CD180: variants seen among roughly 807,000 people sequenced by gnomAD.
CD180 encodes CD180 molecule.
Under a neutral mutation model 10.7 loss-of-function variants are expected in CD180, and 11 were observed. That is an observed-to-expected ratio of 1.03 (90% CI 0.65 to 1.70). The LOEUF is 1.70. Ranked by LOEUF, CD180 falls within the 40% of genes most tolerant of loss-of-function variation. The probability of loss-of-function intolerance (pLI) is 0.00; values close to 1 mark genes in which losing one functional copy is unlikely to be tolerated. For synonymous variants in CD180, 286 were observed against 294.6 expected, an observed-to-expected ratio of 0.97 and a Z score of 0.30; for missense variants, 729 against 775.2, an observed-to-expected ratio of 0.94 and a Z score of 0.71.
chr5:67,193,523 G>A (rs1742346871), intron 1 of CD180, among the ~76,000 whole-genome samples: 1 of 152,130 alleles, frequency 6.6e-6, no homozygotes, highest in Non-Finnish European at 1.5e-5. Context: ...TTCGAATCTT[G>A]TTCTTGAGAA....
At chr5:67,194,236 C>A (rs1461955197) in intron 1 of CD180, among the ~76,000 whole-genome samples, 4 of 152,120 alleles carry the variant, frequency 2.6e-5, no homozygotes, top group Non-Finnish European at 5.9e-5. Context: ...GAAAGGTCAC[C>A]CGTTAGGATT....
chr5:67,193,322 G>A (rs1224777354), intron 1 of CD180, among the ~76,000 whole-genome samples: 4 of 152,184 alleles, frequency 2.6e-5, no homozygotes, highest in Non-Finnish European at 4.4e-5. Context: ...AAAGTTCGGG[G>A]TAATTTACCC....
Position 67,183,159 on chromosome 5 carries a change from G to A in CD180, c.1684C>T (p.Leu562Phe). 6.2e-7 allele frequency: 1 copy of A among 1,611,128 alleles called. No homozygotes were observed. The highest frequency in any genetic ancestry group is 8.5e-7 in the Non-Finnish European group (1 of 1,177,850). The change falls in exon 3 of 3, where the codon CTC becomes TTC. Residue 562 changes from leucine to phenylalanine, a missense_variant. Leu to Phe is a conservative substitution (Grantham distance 22). Coordinates refer to ENST00000256447, the MANE Select transcript of CD180 (RefSeq NM_005582.3). ...ANSINIISPR[L>F]LPILSQQSTI... ...CTCTGCTGGGACAAGATAGGGAGGA[G>A]ACGGGGTGAGATGATGTTAATGCTG...
chr5:67,185,826 G>A (rs750674389), intron 2 of CD180, 25 bp downstream of exon 2: 50 of 1,517,994 alleles, frequency 3.3e-5, no homozygotes, highest in Non-Finnish European at 4.3e-5. Context: ...AAATAAAAGA[G>A]CACACAAATA....
chr5:67,181,637 A>G lies in CD180; in HGVS notation c.*1220T>C, dbSNP rs1742049431. The G allele has an allele frequency of 6.6e-6, 1 of 152,236 alleles. No homozygotes were observed. The highest frequency in any genetic ancestry group is 1.5e-5 in the Non-Finnish European group (1 of 68,062). 9.4% of individuals were successfully genotyped at this position (152,236 alleles called of 1,614,324 possible). On this transcript the variant is annotated 3_prime_UTR_variant, in exon 3 of 3. Transcript: ENST00000256447. ...TCTCTACCCTAAAATTGGTTATTGA[A>G]CAGAACAATGCACCACTTGAGTCCA...
In CD180 at chr5:67,184,588, T is replaced by C. The variant is rs746458928; in HGVS notation, c.258-3A>G. The C allele has an allele frequency of 3.2e-6, 5 of 1,576,484 alleles. No individual in the cohort carries two copies. The South Asian group carries it at 4.6e-5, about 15-fold the overall frequency. On this transcript the variant is annotated splice_region_variant and splice_polypyrimidine_tract_variant and intron_variant, in intron 2 of 2. Transcript: ENST00000256447. ...CATGTATCCAGTTAATCTGGCACCT[T>C]GAAAAGATAATCGTATTTAACAATA... is the stretch of plus-strand genomic sequence containing the variant.
chr5:67,192,587 A>AG (rs1166231832), intron 1 of CD180, among the ~76,000 whole-genome samples: 1 of 152,054 alleles, frequency 6.6e-6, no homozygotes, highest in Admixed American at 6.6e-5. Flanking sequence ...TGGTGAAAGC[A>AG]GGAGAGAGAG....
intron 1 of CD180, among the ~76,000 whole-genome samples, chr5:67,187,438 T>C (rs910829260): frequency 2.6e-5 from 4 of 152,240 alleles, no homozygotes; most frequent in Non-Finnish European, 5.9e-5. Context: ...GACAGTAGGC[T>C]TTTGGGCAGA....
chr5:67,186,223 A>G (rs368633897), intron 1 of CD180: 5 of 366,008 alleles, frequency 1.4e-5, no homozygotes, highest in East Asian at 4.4e-5. Flanking sequence ...TAACCAGACT[A>G]TTCATCAATA....
In CD180 at chr5:67,184,484, G is replaced by A. The variant is rs1371307998; in HGVS notation, c.359C>T (p.Ser120Leu). ...CTTCAGTGACTTGGGCCCATTAAGC[G>A]ATGTTTCTGCCATGAATATCAGGGG... The part of the protein sequence containing the change: ...GNPLIFMAET[S>L]LNGPKSLKHL... Residue 120 changes from serine (S) to leucine (L), a missense_variant, in exon 3 of 3, where the codon TCG (serine) becomes TTG (leucine). Ser to Leu is a moderately radical substitution (Grantham distance 145). Coordinates refer to ENST00000256447, the MANE Select transcript of CD180 (RefSeq NM_005582.3). 10 of 1,614,096 alleles carry A rather than the reference G, an allele frequency of 6.2e-6. No individual in the cohort carries two copies. The highest frequency in any genetic ancestry group is 1.7e-5 in the Admixed American group (1 of 60,016).
chr5:67,181,729 C>T lies in CD180; in HGVS notation c.*1128G>A, dbSNP rs547347760. 37 of 152,312 alleles carry T rather than the reference C, an allele frequency of 2.4e-4. No individual in the cohort carries two copies. The highest frequency in any genetic ancestry group is 8.9e-4 in the African/African-American group (37 of 41,560). The allele number at this position is 152,312 out of a possible 1,614,324, so 9.4% of individuals were successfully genotyped here. A position where few individuals can be genotyped will look rare whatever the true frequency, so the allele number is the denominator to read the frequency against. On this transcript the variant is annotated 3_prime_UTR_variant, in exon 3 of 3. Coordinates refer to ENST00000256447, the MANE Select transcript of CD180 (RefSeq NM_005582.3). ...GATACAGGCCTGTGTGAGTATGGCCCTTTAAGCCTAAGTCATGACATTGCT... is the reference window on the plus strand; with the variant it reads ...GATACAGGCCTGTGTGAGTATGGCCTTTTAAGCCTAAGTCATGACATTGCT...
chr5:67,184,070 A>T lies in CD180; in HGVS notation c.773T>A (p.Ile258Asn), dbSNP rs144473068. The T allele has an allele frequency of 2.0e-5, 32 of 1,614,194 alleles. No homozygotes were observed. The African/African-American group carries it at 4.1e-4, about 21-fold the overall frequency. The change falls in exon 3 of 3, where the codon ATT becomes AAT. Residue 258 changes from isoleucine to asparagine, a missense_variant. Ile to Asn is a moderately radical substitution (Grantham distance 149). Transcript: ENST00000256447. ...QSLWLGTFEDIDDEDISSAML... is the reference protein window; with the variant it reads ...QSLWLGTFEDNDDEDISSAML... ...GGCTGAACTAATATCTTCGTCATCA[A>T]TGTCCTCAAATGTTCCCAGCCAGAG...
intron 2 of CD180, 83 bp downstream of exon 2, chr5:67,185,768 A>G (rs1384635869): frequency 9.3e-7 from 1 of 1,076,726 alleles, no homozygotes; most frequent in Non-Finnish European, 1.3e-6. Flanking sequence ...GGCCCCCCAA[A>G]AAGGTCCTGC....
At chr5:67,191,592 A>G (rs1352920695) in intron 1 of CD180, among the ~76,000 whole-genome samples, 1 of 152,200 alleles carries the variant, frequency 6.6e-6, no homozygotes, top group Non-Finnish European at 1.5e-5. Flanking sequence ...CCAAGTAAAT[A>G]TTTCAAGAGT....
intron 1 of CD180, among the ~76,000 whole-genome samples, chr5:67,192,726 CA>C (rs1440477260): frequency 2.6e-5 from 4 of 152,084 alleles, no homozygotes; most frequent in Non-Finnish European, 5.9e-5. Context: ...CTACCTCCAC[CA>C]CTGGGGATTA....
rs756339556 is a variant in CD180, at chr5:67,183,546, G to T, written c.1297C>A (p.His433Asn). The T allele has an allele frequency of 6.2e-7, 1 of 1,614,206 alleles. No individual in the cohort carries two copies. The highest frequency in any genetic ancestry group is 1.1e-5 in the South Asian group (1 of 91,080). Residue 433 changes from histidine to asparagine, a missense_variant, in exon 3 of 3, where the codon CAC (histidine) becomes AAC (asparagine). Transcript: ENST00000256447. ...ELLDLAFTRL[H>N]INAPQSPFQN... ...AAGGGACTTTGTGGAGCATTAATGT[G>T]TAAGCGGGTAAATGCCAAATCGAGG...
intron 1 of CD180, among the ~76,000 whole-genome samples, chr5:67,194,573 C>T (rs1424274573): frequency 6.6e-6 from 1 of 152,202 alleles, no homozygotes; most frequent in African/African-American, 2.4e-5. Context: ...CTCCTAATCT[C>T]CAAGACTTTG....
intron 1 of CD180, among the ~76,000 whole-genome samples, chr5:67,190,561 G>A (rs1041524540): frequency 1.3e-5 from 2 of 152,256 alleles, no homozygotes; most frequent in African/African-American, 4.8e-5. Flanking sequence ...CTCCAGTGCA[G>A]ATGGGACTTC....
intron 1 of CD180, among the ~76,000 whole-genome samples, chr5:67,195,739 C>T (rs1742388207): frequency 1.3e-5 from 2 of 152,248 alleles, no homozygotes; most frequent in Non-Finnish European, 2.9e-5. Context: ...CAGGGCAACT[C>T]CACATCTGGC....
Sources: allele counts gnomAD v4.1 joint callset (sites outside exome capture counted in the v4.1 genomes callset), GRCh38; gene constraint gnomAD v4.1.1; transcripts MANE v1.5; gene names NCBI Gene and HGNC (gene_info 2026-07-23, HGNC 2026-07-21).